PPP1R14C: variants seen among roughly 807,000 people sequenced by gnomAD.
PPP1R14C encodes protein phosphatase 1 regulatory inhibitor subunit 14C, also known as protein phosphatase 1 regulatory subunit 14C.
Under a neutral mutation model 20.4 loss-of-function variants are expected in PPP1R14C, and 16 were observed. The ratio of observed to expected loss-of-function variants is 0.78; its 90% CI spans 0.53 to 1.19. The LOEUF is 1.19. Among genes scored for constraint, PPP1R14C ranks in the 50% most tolerant of loss-of-function variants. PPP1R14C has a pLI of 0.00. For missense variants in PPP1R14C, 211 were observed against 220.1 expected, an observed-to-expected ratio of 0.96 and a Z score of 0.26; for synonymous variants, 91 against 91.0, an observed-to-expected ratio of 1.00 and a Z score of 0.00.
chr6:150,206,222 A>G (rs1392258080), intron 1 of PPP1R14C, among the ~76,000 whole-genome samples: 1 of 151,196 alleles, frequency 6.6e-6, no homozygotes, highest in Non-Finnish European at 1.5e-5. Flanking sequence ...CAGCCCCCAT[A>G]CTCCCTGTCT....
chr6:150,184,525 C>A (rs1490956735), intron 1 of PPP1R14C, among the ~76,000 whole-genome samples: 2 of 152,158 alleles, frequency 1.3e-5, no homozygotes, highest in East Asian at 3.9e-4. Context: ...CAGAACATAT[C>A]CCTTTTGTCC....
chr6:150,178,112 G>A (rs185701384), intron 1 of PPP1R14C, among the ~76,000 whole-genome samples: 36 of 152,278 alleles, frequency 2.4e-4, no homozygotes, highest in South Asian at 8.3e-4. Flanking sequence ...TGCAGCCTCC[G>A]CGAGGCCTTT....
chr6:150,164,858 G>A (rs748197328), intron 1 of PPP1R14C, among the ~76,000 whole-genome samples: 3 of 152,150 alleles, frequency 2.0e-5, no homozygotes, highest in Admixed American at 6.5e-5. Context: ...GGGGCCTTTC[G>A]GAGGTGATTA....
chr6:150,147,532 A>C (rs1777193646), intron 1 of PPP1R14C, among the ~76,000 whole-genome samples: 1 of 152,230 alleles, frequency 6.6e-6, no homozygotes, highest in Admixed American at 6.5e-5. Flanking sequence ...TACTTTAACA[A>C]GTACTGCAAG....
chr6:150,188,350 T>TA (rs1777700856), intron 1 of PPP1R14C, among the ~76,000 whole-genome samples: 1 of 152,220 alleles, frequency 6.6e-6, no homozygotes, highest in Non-Finnish European at 1.5e-5. Flanking sequence ...TCTAAAATCA[T>TA]ACATTTTGTT....
At chr6:150,220,555 A>G (rs546410459) in intron 3 of PPP1R14C, among the ~76,000 whole-genome samples, 8 of 152,362 alleles carry the variant, frequency 5.3e-5, no homozygotes, top group African/African-American at 1.9e-4. Context: ...TGGGAGTGGA[A>G]GGGGTTGCTG....
At chr6:150,239,310 G>C (rs1778405088) in intron 3 of PPP1R14C, among the ~76,000 whole-genome samples, 1 of 152,164 alleles carries the variant, frequency 6.6e-6, no homozygotes, top group Non-Finnish European at 1.5e-5. Flanking sequence ...GAACTTTTAT[G>C]AAGACAGACA....
intron 1 of PPP1R14C, among the ~76,000 whole-genome samples, chr6:150,187,326 G>A (rs1177260543): frequency 6.7e-6 from 1 of 149,542 alleles, no homozygotes; most frequent in Non-Finnish European, 1.5e-5. Context: ...TTAAGTTCGG[G>A]GTATAAGTGA....
At chr6:150,195,469 TCCTGAG>T (rs1164312614) in intron 1 of PPP1R14C, among the ~76,000 whole-genome samples, 24 of 152,158 alleles carry the variant, frequency 1.6e-4, no homozygotes, top group Non-Finnish European at 3.1e-4. Flanking sequence ...CACCTCAGCC[TCCTGAG>T]TAGCTGGAAC....
intron 1 of PPP1R14C, among the ~76,000 whole-genome samples, chr6:150,180,701 G>A (rs1365343944): frequency 6.6e-6 from 1 of 152,192 alleles, no homozygotes; most frequent in Non-Finnish European, 1.5e-5. Flanking sequence ...ACACAGGAGA[G>A]GCAGTCTGTG....
intron 1 of PPP1R14C, among the ~76,000 whole-genome samples, chr6:150,151,495 A>G (rs34994684): frequency 0.13 from 20,063 of 152,108 alleles, 1,666 homozygotes; most frequent in East Asian, 0.46. Context: ...TCTCACCTGT[A>G]TAATAGCAAT....
intron 1 of PPP1R14C, among the ~76,000 whole-genome samples, chr6:150,178,860 G>A (rs900991813): frequency 1.3e-5 from 2 of 152,146 alleles, no homozygotes; most frequent in Non-Finnish European, 2.9e-5. Context: ...CTGCAGAGGA[G>A]GAAATAAACA....
intron 1 of PPP1R14C, among the ~76,000 whole-genome samples, chr6:150,152,598 C>T (rs527364413): frequency 1.1e-4 from 16 of 152,238 alleles, no homozygotes; most frequent in African/African-American, 3.9e-4. Flanking sequence ...CCCCTGCCCC[C>T]ACTCCCTAGC....
intron 2 of PPP1R14C, among the ~76,000 whole-genome samples, chr6:150,216,557 A>AG (rs539636127): frequency 0.017 from 2,373 of 138,570 alleles, 59 homozygotes; most frequent in African/African-American, 0.07. Context: ...ATGCTATGGT[A>AG]GCAAAAAAAA....
At chr6:150,221,438 G>A (rs1373972124) in intron 3 of PPP1R14C, among the ~76,000 whole-genome samples, 1 of 152,196 alleles carries the variant, frequency 6.6e-6, no homozygotes, top group Non-Finnish European at 1.5e-5. Context: ...TGAACTAAAT[G>A]CCTATCAATT....
intron 1 of PPP1R14C, among the ~76,000 whole-genome samples, chr6:150,209,168 C>T (rs1399184687): frequency 6.6e-6 from 1 of 152,110 alleles, no homozygotes; most frequent in East Asian, 1.9e-4. Flanking sequence ...TGTTACGTTG[C>T]CATCCCTATT....
At chr6:150,226,323 G>A (rs1329316340) in intron 3 of PPP1R14C, among the ~76,000 whole-genome samples, 2 of 152,202 alleles carry the variant, frequency 1.3e-5, no homozygotes, top group African/African-American at 4.8e-5. Context: ...GCAAAAGGAT[G>A]TTTCCATATA....
intron 1 of PPP1R14C, among the ~76,000 whole-genome samples, chr6:150,168,695 G>T (rs927374204): frequency 6.6e-6 from 1 of 152,150 alleles, no homozygotes; most frequent in African/African-American, 2.4e-5. Context: ...GCAGGAGATG[G>T]AAGTAACCTT....
intron 3 of PPP1R14C, among the ~76,000 whole-genome samples, chr6:150,223,449 A>G (rs1278828444): frequency 2.0e-5 from 3 of 152,184 alleles, no homozygotes; most frequent in Non-Finnish European, 4.4e-5. Flanking sequence ...CAGCTGTACC[A>G]TTTTGCATTC....
Sources: allele counts gnomAD v4.1 joint callset (sites outside exome capture counted in the v4.1 genomes callset), GRCh38; gene constraint gnomAD v4.1.1; transcripts MANE v1.5; gene names NCBI Gene and HGNC (gene_info 2026-07-23, HGNC 2026-07-21).